Variants in SCAP observed in about 807,000 individuals in gnomAD.
SCAP encodes the protein SREBF chaperone, also known as sterol regulatory element-binding protein cleavage-activating protein.
SCAP carries 65 observed loss-of-function variants against 123.6 expected under a neutral mutation model. The observed-to-expected ratio is 0.53, with a 90% CI of 0.43 to 0.65. SCAP has a LOEUF of 0.65. Among genes scored for constraint, SCAP ranks in the 30% least tolerant of loss-of-function variants. SCAP has a pLI of 0.00. For synonymous variants in SCAP, 740 were observed against 726.3 expected, an observed-to-expected ratio of 1.02 and a Z score of -0.30; for missense variants, 1,398 against 1,712.5, an observed-to-expected ratio of 0.82 and a Z score of 3.24.
chr3:47,436,796 T>C (rs1175088124), intron 2 of SCAP, among the ~76,000 whole-genome samples: 1 of 152,334 alleles, frequency 6.6e-6, no homozygotes, highest in South Asian at 2.1e-4. Flanking sequence ...AACTACTATC[T>C]AGATCAAGCT....
intron 9 of SCAP, 131 bp from the exon 10 acceptor site, chr3:47,422,667 A>C: frequency 1.5e-6 from 1 of 668,714 alleles, no homozygotes; most frequent in Non-Finnish European, 2.5e-6. Flanking sequence ...CCATTCCACC[A>C]AAGCACCCCA....
chr3:47,419,589 G>A lies in SCAP; in HGVS notation c.1679C>T (p.Pro560Leu), dbSNP rs2107782217. The A allele has an allele frequency of 6.2e-7, 1 of 1,608,898 alleles. No homozygotes were observed. The highest frequency in any genetic ancestry group is 8.5e-7 in the Non-Finnish European group (1 of 1,176,926). The change falls in exon 13 of 23, where the codon CCC (proline) becomes CTC (leucine). Residue 560 changes from proline to leucine, a missense_variant. Pro to Leu is a moderately conservative substitution (Grantham distance 98). Transcript: ENST00000265565. The surrounding 1 kb of genome is among the most constrained non-coding windows in gnomAD (Gnocchi z 5.0). Reference sequence around the variant, plus strand: ...CAGCATGCCACTAGGCACGGGCATGGGAGCCAGGGCTCCCTCACCCAATGG... The same window carrying A: ...CAGCATGCCACTAGGCACGGGCATGAGAGCCAGGGCTCCCTCACCCAATGG... ...QSPLGEGALA[P>L]MPVPSGMLPP...
At chr3:47,427,776 C>T in intron 4 of SCAP, 109 bp from the exon 5 acceptor site, 1 of 954,280 alleles carries the variant, frequency 1.0e-6, no homozygotes, top group Non-Finnish European at 1.6e-6. Context: ...TATTTGCTCT[C>T]TGGTATCGCC....
intron 1 of SCAP, among the ~76,000 whole-genome samples, chr3:47,458,900 G>A (rs1457313686): frequency 6.6e-6 from 1 of 152,182 alleles, no homozygotes; most frequent in Admixed American, 6.5e-5. Flanking sequence ...CAGCCTCCTG[G>A]GTTCAAGCGA....
intron 1 of SCAP, among the ~76,000 whole-genome samples, chr3:47,461,200 T>C (rs1470604480): frequency 1.3e-5 from 2 of 152,338 alleles, no homozygotes; most frequent in African/African-American, 4.8e-5. Flanking sequence ...CTAAGTGCTA[T>C]GGGTTCTTGT....
At chr3:47,432,134 T>A (rs576537947) in intron 3 of SCAP, among the ~76,000 whole-genome samples, 4 of 151,878 alleles carry the variant, frequency 2.6e-5, no homozygotes, top group African/African-American at 9.7e-5. Context: ...CTGGCCAACA[T>A]GGTGAAACCC....
In SCAP at chr3:47,417,135, A is replaced by G. The variant is rs202138249; in HGVS notation, c.3043T>C (p.Phe1015Leu). 4.3e-6 allele frequency: 7 copies of G among 1,613,048 alleles called. No individual in the cohort carries two copies. The East Asian group carries it at 1.3e-4, about 31-fold the overall frequency. ...EVSSGITALV[F>L]LDKRIVAARL... Reference sequence around the variant, plus strand: ...GGCCACGCTCACCTTTTGTCCAAGAACACCAGAGCGGTAATGCCTGAGGAG... The same window carrying G: ...GGCCACGCTCACCTTTTGTCCAAGAGCACCAGAGCGGTAATGCCTGAGGAG... Residue 1015 changes from phenylalanine to leucine, a missense_variant, in exon 18 of 23, where the codon TTC (phenylalanine) becomes CTC (leucine). Around this residue, in one of 7 missense-constraint regions of SCAP, gnomAD observed 828 missense variants for 882.5 expected, o/e 0.94. Coordinates refer to ENST00000265565, the MANE Select transcript of SCAP (RefSeq NM_012235.4).
chr3:47,433,912 G>A (rs1023673701), intron 3 of SCAP, among the ~76,000 whole-genome samples: 16 of 152,130 alleles, frequency 1.1e-4, no homozygotes, highest in African/African-American at 3.9e-4. Flanking sequence ...AAAGGTTTAA[G>A]CAAGAAGGTC....
chr3:47,417,543 CAT>C lies in SCAP; in HGVS notation c.2729_2730del (p.Tyr910Ter). ...VCGRSRDSPG[Y>X]DFSCLVQRVY... Reference sequence around the variant, plus strand: ...ACCCGCTGCACCAGGCAGCTGAAGTCATAGCCTGGGGAGTCCCGAGAGCGGCC... The same window carrying C: ...ACCCGCTGCACCAGGCAGCTGAAGTCAGCCTGGGGAGTCCCGAGAGCGGCC... On this transcript the variant is annotated frameshift_variant, in exon 17 of 23. Transcript: ENST00000265565. LOFTEE classifies it high-confidence loss of function. 1.3e-6 allele frequency: 2 copies of C among 1,572,094 alleles called. No individual in the cohort carries two copies. The highest frequency in any genetic ancestry group is 1.2e-5 in the South Asian group (1 of 86,178).
Position 47,417,846 on chromosome 3 carries a change from A to AGTGAGAGGGGGCACAGGGGAGGGGG in SCAP, c.2448-21_2448-20insCCCCCTCCCCTGTGCCCCCTCTCAC, listed in dbSNP as rs1559538924. On this transcript the variant is annotated intron_variant, in intron 16 of 22. Coordinates refer to ENST00000265565, the MANE Select transcript of SCAP (RefSeq NM_012235.4). ...TGCCTGCTGGGGGCCAGGAGGGCGG[A>AGTGAGAGGGGGCACAGGGGAGGGGG]GTGAGAGGGGGCACGGGGGAGGGGG... 7.3e-5 allele frequency: 79 copies of AGTGAGAGGGGGCACAGGGGAGGGGG among 1,082,840 alleles called. No homozygotes were observed. Among genetic ancestry groups the AGTGAGAGGGGGCACAGGGGAGGGGG allele is most frequent in the East Asian group, 3.1e-4 (4 of 13,030 alleles). 67.1% of individuals were successfully genotyped at this position (1,082,840 alleles called of 1,614,324 possible). A position where few individuals can be genotyped will look rare whatever the true frequency, so the allele number is the denominator to read the frequency against.
chr3:47,445,685 C>T (rs1364035007), intron 1 of SCAP, among the ~76,000 whole-genome samples: 1 of 151,850 alleles, frequency 6.6e-6, no homozygotes, highest in Non-Finnish European at 1.5e-5. Flanking sequence ...ACAATTCGTG[C>T]CTCAGCCTCC....
intron 1 of SCAP, among the ~76,000 whole-genome samples, chr3:47,463,429 C>T (rs1216966768): frequency 2.0e-5 from 3 of 152,126 alleles, no homozygotes; most frequent in East Asian, 1.9e-4. Flanking sequence ...GGCCGGGGTG[C>T]GGTGGCTCGT....
At chr3:47,460,224 A>G (rs1204750376) in intron 1 of SCAP, among the ~76,000 whole-genome samples, 1 of 152,222 alleles carries the variant, frequency 6.6e-6, no homozygotes, top group Non-Finnish European at 1.5e-5. Flanking sequence ...CAGCTAACAC[A>G]ATAGTGGTCC....
intron 1 of SCAP, among the ~76,000 whole-genome samples, chr3:47,454,089 C>T (rs1310004635): frequency 2.0e-5 from 3 of 152,226 alleles, no homozygotes; most frequent in South Asian, 4.1e-4. Flanking sequence ...ATAGACAGGC[C>T]GGGTGCGGTG....
intron 1 of SCAP, among the ~76,000 whole-genome samples, chr3:47,468,830 T>G (rs1707928497): frequency 6.6e-6 from 1 of 152,216 alleles, no homozygotes; most frequent in African/African-American, 2.4e-5. Context: ...CTAGGTTTTC[T>G]TCTAGGGTTT....
Position 47,418,205 on chromosome 3 carries a change from G to A in SCAP, c.2376C>T (p.Cys792=), listed in dbSNP as rs752628739. 1 of 1,575,682 alleles carries A rather than the reference G, an allele frequency of 6.3e-7. No homozygotes were observed. The highest frequency in any genetic ancestry group is 1.8e-5 in the Admixed American group (1 of 54,824). The stretch of plus-strand genomic sequence containing the variant: ...ACACGCAGACGTGGCCTGCCAGGCA[G>A]CAGCTCACCAGCAGCATGCCGTCGC... ...LASDGMLLVS[C]CLAGHVCVWD... Residue 792 remains cysteine (C), a synonymous_variant, in exon 16 of 23, where the codon TGC becomes TGT. Transcript: ENST00000265565.
chr3:47,413,884 A>G lies in SCAP; in HGVS notation c.3810T>C (p.Tyr1270=), dbSNP rs1705427918. The G allele has an allele frequency of 6.2e-7, 1 of 1,613,116 alleles. No homozygotes were observed. Among genetic ancestry groups the G allele is most frequent in the Non-Finnish European group, 8.5e-7 (1 of 1,180,018 alleles). ...CNFGSELSLV[Y]VPSVLEKLD Reference sequence around the variant, plus strand: ...CCAGCTTCTCCAGCACAGAGGGCACATACACCAGGCTGAGCTCACTGCCAA... The same window carrying G: ...CCAGCTTCTCCAGCACAGAGGGCACGTACACCAGGCTGAGCTCACTGCCAA... Residue 1270 remains tyrosine, a synonymous_variant, in exon 23 of 23, where the codon TAT becomes TAC. Coordinates refer to ENST00000265565, the MANE Select transcript of SCAP (RefSeq NM_012235.4).
chr3:47,461,969 G>A (rs910491294), intron 1 of SCAP, among the ~76,000 whole-genome samples: 1 of 152,148 alleles, frequency 6.6e-6, no homozygotes, highest in South Asian at 2.1e-4. Flanking sequence ...AGGAGGCAAA[G>A]GTTGCAGTGA....
chr3:47,414,223 ATGC>A lies in SCAP; in HGVS notation c.3548_3550del (p.Ser1183del). ...CTTGATGCCTGTGCTGCGGTCCCAGATGCTGATGAGGTCATCCAGGCCACTGCT... is the reference window on the plus strand; with the variant it reads ...CTTGATGCCTGTGCTGCGGTCCCAGATGATGAGGTCATCCAGGCCACTGCT... On this transcript the variant is annotated inframe_deletion, in exon 22 of 23. Transcript: ENST00000265565. 6.2e-7 allele frequency: 1 copy of A among 1,613,666 alleles called. No individual in the cohort carries two copies. Among genetic ancestry groups the A allele is most frequent in the East Asian group, 2.2e-5 (1 of 44,878 alleles).
Sources: gnomAD v4.1 joint callset for allele counts (sites outside exome capture counted in the v4.1 genomes callset) on GRCh38, gnomAD v4.1.1 for gene constraint, gnomAD v4.1.1 regional missense constraint, Gnocchi (gnomAD v3.1) non-coding constraint, MANE v1.5 for transcripts, NCBI Gene and HGNC (gene_info 2026-07-23, HGNC 2026-07-21) for gene names.